ABLIM2: variants seen among roughly 807,000 people sequenced by gnomAD.
ABLIM2 encodes the protein actin binding LIM protein family member 2.
In ABLIM2, 53 loss-of-function variants were observed where a neutral mutation model predicts 97.7. That is an observed-to-expected ratio of 0.54 (90% CI 0.44 to 0.68). The LOEUF is 0.68. Ranked by LOEUF, ABLIM2 falls within the 30% of genes least tolerant of loss-of-function variation. ABLIM2 has a pLI of 0.00. For missense variants in ABLIM2, 835 were observed against 867.2 expected (o/e 0.96, Z 0.47); for synonymous variants, 361 against 345.8 (o/e 1.04, Z -0.49).
At chr4:7,997,139 T>A (rs1379145010) in intron 16 of ABLIM2, among the ~76,000 whole-genome samples, 1 of 152,200 alleles carries the variant, frequency 6.6e-6, no homozygotes, top group African/African-American at 2.4e-5. Context: ...TGGCACGATC[T>A]TGGCTCACTG....
In ABLIM2 at chr4:8,015,588, AG is replaced by A. The variant is rs953133109; in HGVS notation, c.1423+4029del. ...GAGTGATTAATTCCTGCTTTAAACC[AG>A]GGCACAAAGACACAGGGAACAACGT... On this transcript the variant is annotated intron_variant, in intron 14 of 20. Coordinates refer to ENST00000447017, the MANE Select transcript of ABLIM2 (RefSeq NM_001130083.2). The surrounding 1 kb of genome is among the most constrained non-coding windows in gnomAD (Gnocchi z 4.6). Among the ~76,000 whole-genome samples, 2 of 152,220 alleles carry A rather than the reference AG, an allele frequency of 1.3e-5. No homozygotes were observed. Among genetic ancestry groups the A allele is most frequent in the Admixed American group, 1.3e-4 (2 of 15,282 alleles).
At chr4:8,016,684 G>C (rs921809310) in intron 14 of ABLIM2, among the ~76,000 whole-genome samples, 8 of 152,148 alleles carry the variant, frequency 5.3e-5, no homozygotes, top group African/African-American at 1.9e-4. Context: ...TGGAGATAAA[G>C]ACTGTCTCGA....
Position 8,130,432 on chromosome 4 carries a change from C to T in ABLIM2, c.11-23795G>A, listed in dbSNP as rs1433116483. On this transcript the variant is annotated intron_variant, in intron 1 of 20. Coordinates refer to ENST00000447017, the MANE Select transcript of ABLIM2 (RefSeq NM_001130083.2). The surrounding 1 kb of genome is among the most constrained non-coding windows in gnomAD (Gnocchi z 4.2). Reference sequence around the variant, plus strand: ...GGTCCTCTTGGCTCAAGACCAACAACTGCAGGGGCTATGGCAGGGAGAGTG... The same window carrying T: ...GGTCCTCTTGGCTCAAGACCAACAATTGCAGGGGCTATGGCAGGGAGAGTG... Among the ~76,000 whole-genome samples, 1 of 152,228 alleles carries T rather than the reference C, an allele frequency of 6.6e-6. No homozygotes were observed. The highest frequency in any genetic ancestry group is 1.5e-5 in the Non-Finnish European group (1 of 68,044).
At chr4:8,010,154 G>C (rs1289593093) in intron 14 of ABLIM2, among the ~76,000 whole-genome samples, 1 of 152,268 alleles carries the variant, frequency 6.6e-6, no homozygotes, top group African/African-American at 2.4e-5. Context: ...ATCTGCAGCT[G>C]AGCAACGAGG....
chr4:8,141,199 C>G (rs1282893608), intron 1 of ABLIM2, among the ~76,000 whole-genome samples: 2 of 152,124 alleles, frequency 1.3e-5, no homozygotes, highest in Admixed American at 6.5e-5. Context: ...CTCCCCACCC[C>G]CCGGAGCCCT....
In ABLIM2 at chr4:8,127,509, C is replaced by A. The variant is rs571446501; in HGVS notation, c.11-20872G>T. ...GACTCATGGAGCTCACGGCTCCCAG[C>A]CGGATGGTCTGGGCAAAAGCGCAGT... On this transcript the variant is annotated intron_variant, in intron 1 of 20. Transcript: ENST00000447017. The surrounding 1 kb of genome is among the most constrained non-coding windows in gnomAD (Gnocchi z 7.3). The A allele has an allele frequency of 5.4e-6, 7 of 1,289,518 alleles. No individual in the cohort carries two copies. The highest frequency in any genetic ancestry group is 7.1e-6 in the Non-Finnish European group (7 of 988,756). The allele number at this position is 1,289,518 out of a possible 1,614,324, so 79.9% of individuals were successfully genotyped here.
chr4:8,053,577 G>A (rs1797308255), intron 8 of ABLIM2, among the ~76,000 whole-genome samples: 1 of 152,194 alleles, frequency 6.6e-6, no homozygotes, highest in South Asian at 2.1e-4. Flanking sequence ...AATTTTCACA[G>A]CCATTGGAGT....
chr4:8,029,585 C>G, intron 11 of ABLIM2, 71 bp downstream of exon 11: 1 of 909,832 alleles, frequency 1.1e-6, no homozygotes, highest in Non-Finnish European at 1.4e-6. Flanking sequence ...AAAAAAAAAA[C>G]TAAAAAAAAA....
chr4:8,064,226 T>C (rs1246928167), intron 6 of ABLIM2, among the ~76,000 whole-genome samples: 1 of 152,262 alleles, frequency 6.6e-6, no homozygotes, highest in East Asian at 1.9e-4. Flanking sequence ...CTCATTCTTC[T>C]TTGTGGCACC....
intron 20 of ABLIM2, among the ~76,000 whole-genome samples, chr4:7,969,554 T>C (rs1350064191): frequency 6.6e-6 from 1 of 152,140 alleles, no homozygotes; most frequent in African/African-American, 2.4e-5. Flanking sequence ...CTATGAAAAG[T>C]GTAAACCATT....
chr4:7,993,835 G>A (rs926705754), intron 16 of ABLIM2: 18 of 457,008 alleles, frequency 3.9e-5, no homozygotes, highest in Non-Finnish European at 7.5e-5. Flanking sequence ...GTCAGGAGGG[G>A]GCAGCCTTTC....
At chr4:8,129,735 T>C (rs1578418449) in intron 1 of ABLIM2, among the ~76,000 whole-genome samples, 1 of 120,558 alleles carries the variant, frequency 8.3e-6, no homozygotes, top group Non-Finnish European at 1.5e-5. Context: ...GTATGCTCCC[T>C]CTCTCTCTCT....
chr4:8,158,342 C>A (rs1183283929), intron 1 of ABLIM2, among the ~76,000 whole-genome samples: 1 of 152,200 alleles, frequency 6.6e-6, no homozygotes, highest in Non-Finnish European at 1.5e-5. Context: ...GGACCCCAGG[C>A]CCCCGCGCGG....
chr4:8,088,330 CT>C, intron 3 of ABLIM2, 46 bp from the exon 4 acceptor site: 4 of 1,515,566 alleles, frequency 2.6e-6, no homozygotes, highest in Non-Finnish European at 3.6e-6. Context: ...CTTCTGGCTC[CT>C]CTCTGGGGGA....
At position 8,000,613 on chromosome 4, in the gene ABLIM2, G is replaced by A. The variant is rs535736261; in HGVS notation, c.1618+7446C>T. On this transcript the variant is annotated intron_variant, in intron 16 of 20. Coordinates refer to ENST00000447017, the MANE Select transcript of ABLIM2 (RefSeq NM_001130083.2). The stretch of plus-strand genomic sequence containing the variant: ...CAGGTGCTCTTCTGGACAGTTCTGC[G>A]GCTTTGTATTCTGGGTAGCCACCTT... Among the ~76,000 whole-genome samples, 8 of 152,212 alleles carry A rather than the reference G, an allele frequency of 5.3e-5. No individual in the cohort carries two copies. In the South Asian group the frequency reaches 1.5e-3, roughly 28 times the overall value.
At chr4:8,024,385 G>A (rs1775954324) in intron 12 of ABLIM2, among the ~76,000 whole-genome samples, 1 of 152,174 alleles carries the variant, frequency 6.6e-6, no homozygotes, top group East Asian at 1.9e-4. Flanking sequence ...AGGTGTGCCG[G>A]GGGTGAGGCC....
chr4:8,090,889 C>T (rs893279700), intron 3 of ABLIM2, among the ~76,000 whole-genome samples: 8 of 152,138 alleles, frequency 5.3e-5, no homozygotes, highest in African/African-American at 1.7e-4. Context: ...CTGCTGGGGG[C>T]TTCTGGGCTG....
In ABLIM2 at chr4:7,983,349, TG is replaced by T; in HGVS notation, c.1744-6del. 5.6e-6 allele frequency: 9 copies of T among 1,610,968 alleles called. No homozygotes were observed. The highest frequency in any genetic ancestry group is 7.6e-6 in the Non-Finnish European group (9 of 1,178,906). ...GAGGGAGTCATACGGATAGATCTGT[TG>T]GGGGAGGAAACCACAGGGTCACCTC... On this transcript the variant is annotated splice_polypyrimidine_tract_variant and splice_region_variant and intron_variant, in intron 19 of 20. Transcript: ENST00000447017.
Position 7,992,316 on chromosome 4 carries a change from C to T in ABLIM2, c.1680+550G>A, listed in dbSNP as rs1232199120. Among the ~76,000 whole-genome samples, 1 of 152,184 alleles carries T rather than the reference C, an allele frequency of 6.6e-6. No homozygotes were observed. The highest frequency in any genetic ancestry group is 1.5e-5 in the Non-Finnish European group (1 of 68,030). On this transcript the variant is annotated intron_variant, in intron 17 of 20. Transcript: ENST00000447017. This position sits in a 1 kb window ranked among gnomAD's most constrained non-coding sequence, Gnocchi z 5.7. ...GAAAACTCAGGGTAGGAGGTGGCAC[C>T]AGTCTTCAGCTAGGGGCAGCCAAAG...
Sources: allele counts gnomAD v4.1 joint callset (sites outside exome capture counted in the v4.1 genomes callset), GRCh38; gene constraint gnomAD v4.1.1; non-coding constraint Gnocchi (gnomAD v3.1); transcripts MANE v1.5; gene names NCBI Gene and HGNC (gene_info 2026-07-23, HGNC 2026-07-21).